ADORA2B: variants seen among roughly 807,000 people sequenced by gnomAD.
ADORA2B encodes the protein adenosine receptor A2b.
Under a neutral mutation model 20.8 loss-of-function variants are expected in ADORA2B, and 18 were observed. The observed-to-expected ratio is 0.87, with a 90% CI of 0.60 to 1.29. ADORA2B has a LOEUF of 1.29. Among genes scored for constraint, ADORA2B ranks in the 50% most tolerant of loss-of-function variants. ADORA2B has a pLI of 0.00. For missense variants in ADORA2B, 441 were observed against 422.7 expected (o/e 1.04, Z -0.38); for synonymous variants, 179 against 178.3 (o/e 1.00, Z -0.03).
chr17:15,926,196 T>C, the ADORA2B span, among the ~76,000 whole-genome samples: 1 of 152,122 alleles, frequency 6.6e-6, no homozygotes, highest in South Asian at 2.1e-4. Flanking sequence ...TACAGGCTCC[T>C]ATGTGCCAGG....
chr17:15,959,494 A>ATTTTTTTTTTTTTTTTTTTTTTTTTT (rs56097835), intron 1 of ADORA2B, among the ~76,000 whole-genome samples: 2 of 75,954 alleles, frequency 2.6e-5, no homozygotes, highest in African/African-American at 4.4e-5. Flanking sequence ...TCACATTCTG[A>ATTTTTTTTTTTTTTTTTTTTTTTTTT]TTTTTTTTTT....
Position 15,975,639 on chromosome 17 carries a change from A to G in ADORA2B, c.*297A>G. 8.1e-6 allele frequency: 3 copies of G among 368,424 alleles called. No homozygotes were observed. The highest frequency in any genetic ancestry group is 1.5e-5 in the Non-Finnish European group (3 of 203,302). 22.8% of individuals were successfully genotyped at this position (368,424 alleles called of 1,614,324 possible). On this transcript the variant is annotated 3_prime_UTR_variant, in exon 2 of 2. Transcript: ENST00000304222. ...TAAAAGTCTGCCTTGTTTATGGTGG[A>G]AAATTACTGAAACTATTTTACTGTG...
chr17:15,869,212 C>T, the ADORA2B span, among the ~76,000 whole-genome samples: 1 of 151,348 alleles, frequency 6.6e-6, no homozygotes, highest in South Asian at 2.1e-4. Flanking sequence ...CCCAGCTACT[C>T]GGGAGGCTGA....
At position 15,945,317 on chromosome 17, in the gene ADORA2B, G is replaced by C. The variant is rs771508029; in HGVS notation, c.69G>C (p.Ala23=). The part of the protein sequence containing the change: ...LELVIAALSV[A]GNVLVCAAVG... Reference sequence around the variant, plus strand: ...TGGTCATCGCCGCGCTTTCGGTGGCGGGCAACGTGCTGGTGTGCGCCGCGG... The same window carrying C: ...TGGTCATCGCCGCGCTTTCGGTGGCCGGCAACGTGCTGGTGTGCGCCGCGG... Residue 23 remains alanine (A), a synonymous_variant, in exon 1 of 2, where the codon GCG becomes GCC. Transcript: ENST00000304222. 3 of 1,585,210 alleles carry C rather than the reference G, an allele frequency of 1.9e-6. No homozygotes were observed. The African/African-American group carries it at 4.0e-5, about 21-fold the overall frequency.
chr17:15,940,930 AAG>A (rs1696557719), upstream of ADORA2B, among the ~76,000 whole-genome samples: 1 of 141,306 alleles, frequency 7.1e-6, no homozygotes, highest in South Asian at 2.1e-4. Flanking sequence ...CAACAAGCCT[AAG>A]AGGAAAGCTA....
the ADORA2B span, among the ~76,000 whole-genome samples, chr17:15,883,134 G>C: frequency 6.6e-6 from 1 of 152,186 alleles, no homozygotes; most frequent in South Asian, 2.1e-4. Flanking sequence ...CTAAGGATAA[G>C]AGGTTAACAG....
At chr17:15,912,632 G>A in the ADORA2B span, among the ~76,000 whole-genome samples, 26 of 152,170 alleles carry the variant, frequency 1.7e-4, no homozygotes, top group Non-Finnish European at 8.8e-5. Context: ...ACCACGTCTC[G>A]TTTGCCCAAC....
At chr17:15,869,679 TCCACAGTGCTGCTATCC>T in the ADORA2B span, among the ~76,000 whole-genome samples, 3 of 152,114 alleles carry the variant, frequency 2.0e-5, no homozygotes, top group African/African-American at 7.2e-5. Context: ...CTGGGCACAA[TCCACAGTGCTGCTATCC>T]CACTTCACAG....
chr17:15,942,808 C>T (rs1010551249), upstream of ADORA2B, among the ~76,000 whole-genome samples: 3 of 152,208 alleles, frequency 2.0e-5, no homozygotes, highest in Non-Finnish European at 2.9e-5. Context: ...CAGCCAGAGC[C>T]TTCTCCACTA....
rs370741593 is a variant in ADORA2B, at chr17:15,974,653, G to A, written c.336-26G>A. On this transcript the variant is annotated intron_variant, in intron 1 of 1. Transcript: ENST00000304222. ...GGTTGCAGAGCGCTATAAACTGACC[G>A]TAACAGATGGTATTCTTTTAAACAG... 47 of 1,596,886 alleles carry A rather than the reference G, an allele frequency of 2.9e-5. 1 individual carries two copies. In the African/African-American group the frequency reaches 4.0e-4, roughly 14 times the overall value.
the ADORA2B span, among the ~76,000 whole-genome samples, chr17:15,859,959 G>T: frequency 6.6e-6 from 1 of 152,166 alleles, no homozygotes; most frequent in Admixed American, 6.5e-5. Context: ...AAAACTAAAA[G>T]GCAGAAATGA....
chr17:15,873,700 G>A, the ADORA2B span, among the ~76,000 whole-genome samples: 4 of 152,070 alleles, frequency 2.6e-5, no homozygotes, highest in South Asian at 2.1e-4. Context: ...GAGAGACCAC[G>A]TTACTCCTGC....
chr17:15,951,426 C>A (rs1427040040), intron 1 of ADORA2B, among the ~76,000 whole-genome samples: 1 of 152,216 alleles, frequency 6.6e-6, no homozygotes, highest in South Asian at 2.1e-4. Flanking sequence ...CAGGGCATCA[C>A]CCAAGCCTGA....
At chr17:15,896,971 A>G in the ADORA2B span, among the ~76,000 whole-genome samples, 2 of 152,192 alleles carry the variant, frequency 1.3e-5, no homozygotes, top group Non-Finnish European at 2.9e-5. Context: ...CCTGCAAGGG[A>G]GAGAGAGCTT....
the ADORA2B span, among the ~76,000 whole-genome samples, chr17:15,867,473 C>A: frequency 6.7e-6 from 1 of 148,846 alleles, no homozygotes; most frequent in Non-Finnish European, 1.5e-5. Context: ...GCCTGGCAAC[C>A]GCCCCGTCTG....
the ADORA2B span, among the ~76,000 whole-genome samples, chr17:15,900,897 AG>A: frequency 5.0e-4 from 76 of 152,326 alleles, no homozygotes; most frequent in Admixed American, 2.6e-4. Context: ...TGCAAGTGTG[AG>A]CAATTCCCCA....
the ADORA2B span, among the ~76,000 whole-genome samples, chr17:15,881,076 G>A: frequency 1.6e-4 from 25 of 152,110 alleles, no homozygotes; most frequent in African/African-American, 5.8e-4. Flanking sequence ...CTTTAGCCTT[G>A]TTGTTCTTGA....
the ADORA2B span, among the ~76,000 whole-genome samples, chr17:15,861,319 C>T: frequency 6.6e-6 from 1 of 152,162 alleles, no homozygotes; most frequent in Non-Finnish European, 1.5e-5. Flanking sequence ...CTGGACTAGA[C>T]TGGGCTTCCT....
At chr17:15,924,851 T>TTTTC in the ADORA2B span, among the ~76,000 whole-genome samples, 58 of 152,050 alleles carry the variant, frequency 3.8e-4, no homozygotes, top group East Asian at 7.7e-4. Flanking sequence ...TCAAATGTTT[T>TTTTC]TTTCTTTCTT....
Sources: allele counts gnomAD v4.1 joint callset (sites outside exome capture counted in the v4.1 genomes callset), GRCh38; gene constraint gnomAD v4.1.1; transcripts MANE v1.5; gene names NCBI Gene and HGNC (gene_info 2026-07-23, HGNC 2026-07-21).